The following TES variants were observed in gnomAD, a reference collection of about 807,000 sequenced individuals.
TES encodes the protein testin LIM domain protein.
A neutral mutation model predicts 48.2 loss-of-function variants in TES; 41 were observed. The ratio of observed to expected loss-of-function variants is 0.85; its 90% confidence interval spans 0.66 to 1.10. TES has a LOEUF of 1.10. Ranked by LOEUF, TES falls within the 50% of genes least tolerant of loss-of-function variation. The pLI, the probability that TES is intolerant of heterozygous loss-of-function variation, is 0.00. For synonymous variants in TES, 162 were observed against 174.9 expected (o/e 0.93, Z 0.58); for missense variants, 463 against 515.1 (o/e 0.90, Z 0.98).
At chr7:116,255,404 T>A (rs1350268499) in intron 6 of TES, among the ~76,000 whole-genome samples, 1 of 152,200 alleles carries the variant, frequency 6.6e-6, no homozygotes, top group Non-Finnish European at 1.5e-5. Flanking sequence ...CAATTTTAGA[T>A]TTTTGAGGAA....
chr7:116,216,028 C>T (rs1447390046), intron 1 of TES, among the ~76,000 whole-genome samples: 1 of 152,118 alleles, frequency 6.6e-6, no homozygotes, highest in African/African-American at 2.4e-5. Context: ...ATGAGGCTCT[C>T]ATGGAGCTCC....
Position 116,249,263 on chromosome 7 carries a change from T to G in TES, c.357T>G (p.Asn119Lys), listed in dbSNP as rs1304815827. Residue 119 changes from asparagine (N) to lysine (K), a missense_variant, in exon 3 of 7, where the codon AAT becomes AAG. Physicochemically the swap from Asn to Lys is moderately conservative, Grantham distance 94 (BLOSUM62 0). Transcript: ENST00000358204. ...ATGAGTGGGCTCCTCCTGTCCAGAATCAAGCATTGGTAAATGATATGGAAC... is the reference window on the plus strand; with the variant it reads ...ATGAGTGGGCTCCTCCTGTCCAGAAGCAAGCATTGGTAAATGATATGGAAC... ...VTYEWAPPVQ[N>K]QALARQYMQM... is the part of the protein sequence containing the mutation. 1 of 1,614,032 alleles carries G rather than the reference T, an allele frequency of 6.2e-7. No individual in the cohort carries two copies. Among genetic ancestry groups the G allele is most frequent in the Admixed American group, 1.7e-5 (1 of 60,032 alleles).
intron 1 of TES, among the ~76,000 whole-genome samples, chr7:116,214,421 C>A (rs563283804): frequency 6.6e-6 from 1 of 152,262 alleles, no homozygotes; most frequent in African/African-American, 2.4e-5. Flanking sequence ...CAATTGCATT[C>A]CAGGCTTGAA....
chr7:116,240,069 G>T (rs1334085286), intron 2 of TES, among the ~76,000 whole-genome samples: 1 of 152,124 alleles, frequency 6.6e-6, no homozygotes, highest in African/African-American at 2.4e-5. Flanking sequence ...ATTTAGAGCT[G>T]GGTGAAAACT....
At position 116,250,472 on chromosome 7, in the gene TES, T is replaced by C. The variant is rs1211572254; in HGVS notation, c.678T>C (p.Ser226=). Residue 226 remains serine, a synonymous_variant, in exon 4 of 7, where the codon TCT becomes TCC. Transcript: ENST00000358204. ...PAAVGAMEDK[S]AEHKRTQYSC... ...CAGTGGGGGCCATGGAGGACAAATC[T>C]GCTGAGCACAAAAGAACTCAATATG... 10 of 1,563,032 alleles carry C rather than the reference T, an allele frequency of 6.4e-6. No individual in the cohort carries two copies. Among genetic ancestry groups the C allele is most frequent in the Non-Finnish European group, 8.6e-6 (10 of 1,157,238 alleles).
intron 4 of TES, 113 bp downstream of exon 4, chr7:116,250,609 A>G (rs929412881): frequency 5.0e-6 from 4 of 796,448 alleles, no homozygotes; most frequent in Admixed American, 8.0e-5. Context: ...GGGAATAAGT[A>G]TGGGGAATAA....
intron 2 of TES, among the ~76,000 whole-genome samples, chr7:116,237,581 C>G (rs1234550369): frequency 6.6e-6 from 1 of 152,130 alleles, no homozygotes; most frequent in Non-Finnish European, 1.5e-5. Flanking sequence ...ACCCTACCTC[C>G]CACCACTAGG....
intron 2 of TES, among the ~76,000 whole-genome samples, chr7:116,243,619 G>T (rs1799881991): frequency 6.6e-6 from 1 of 152,092 alleles, no homozygotes; most frequent in Admixed American, 6.5e-5. Flanking sequence ...TTTATCAGTG[G>T]TTTCATTTTG....
At chr7:116,228,622 C>T (rs1799654836) in intron 1 of TES, among the ~76,000 whole-genome samples, 2 of 152,102 alleles carry the variant, frequency 1.3e-5, no homozygotes, top group South Asian at 4.1e-4. Context: ...TCTTTTGTTT[C>T]CTATGCATAC....
intron 5 of TES, 123 bp from the exon 6 acceptor site, chr7:116,252,195 T>G: frequency 8.8e-7 from 1 of 1,129,964 alleles, no homozygotes; most frequent in Non-Finnish European, 1.2e-6. Flanking sequence ...CTAAACTAAG[T>G]GATAGCATAA....
At chr7:116,224,099 C>G (rs1490247894) in intron 1 of TES, among the ~76,000 whole-genome samples, 3 of 152,152 alleles carry the variant, frequency 2.0e-5, no homozygotes, top group Non-Finnish European at 4.4e-5. Context: ...CTGGGGAGAA[C>G]CAGCTACCAT....
At chr7:116,250,121 A>C (rs1554439103) in intron 3 of TES, 40 bp from the exon 4 acceptor site, 2 of 1,478,176 alleles carry the variant, frequency 1.4e-6, no homozygotes, top group African/African-American at 2.8e-5. Context: ...ACACTGCCTA[A>C]TGGCCAATCC....
chr7:116,257,953 G>C lies in TES; in HGVS notation c.*471G>C, dbSNP rs1800128349. Reference sequence around the variant, plus strand: ...TCACTGACCTTTGTAATGATACACAGTGAATTCTTTTTGACAAAGAGAAAT... The same window carrying C: ...TCACTGACCTTTGTAATGATACACACTGAATTCTTTTTGACAAAGAGAAAT... On this transcript the variant is annotated 3_prime_UTR_variant, in exon 7 of 7. Coordinates refer to ENST00000358204, the MANE Select transcript of TES (RefSeq NM_015641.4). The C allele has an allele frequency of 6.5e-6, 1 of 153,482 alleles. No individual in the cohort carries two copies. The highest frequency in any genetic ancestry group is 2.0e-4 in the South Asian group (1 of 4,914). The allele number at this position is 153,482 out of a possible 1,614,324, so 9.5% of individuals were successfully genotyped here.
At chr7:116,240,753 A>G (rs1347440746) in intron 2 of TES, among the ~76,000 whole-genome samples, 3 of 152,188 alleles carry the variant, frequency 2.0e-5, no homozygotes, top group African/African-American at 7.2e-5. Flanking sequence ...GAACTGCTCA[A>G]TAGGACAGTT....
intron 2 of TES, among the ~76,000 whole-genome samples, chr7:116,237,543 T>C (rs1438224981): frequency 6.6e-6 from 1 of 152,074 alleles, no homozygotes; most frequent in Non-Finnish European, 1.5e-5. Context: ...ATTTTGTGCC[T>C]TATTGCATGG....
chr7:116,248,178 A>C (rs1250549166), intron 2 of TES, among the ~76,000 whole-genome samples: 1 of 152,202 alleles, frequency 6.6e-6, no homozygotes, highest in Non-Finnish European at 1.5e-5. Flanking sequence ...ATAGTATTCT[A>C]TGGTGAATAT....
At chr7:116,251,510 G>T (rs1040846013) in intron 4 of TES, 29 of 399,026 alleles carry the variant, frequency 7.3e-5, no homozygotes, top group African/African-American at 5.8e-4. Context: ...GTGAAACCCC[G>T]TCTCTACTAA....
intron 1 of TES, among the ~76,000 whole-genome samples, chr7:116,220,731 C>A (rs1799545948): frequency 6.6e-6 from 1 of 152,020 alleles, no homozygotes; most frequent in South Asian, 2.1e-4. Context: ...GCTTTAGAAC[C>A]CTGGGTTCAG....
At chr7:116,221,589 AT>A (rs1257959163) in intron 1 of TES, among the ~76,000 whole-genome samples, 1 of 152,132 alleles carries the variant, frequency 6.6e-6, no homozygotes, top group African/African-American at 2.4e-5. Context: ...TGTTGCTGGG[AT>A]TTAAGTCTTC....
Sources: gnomAD v4.1 joint callset for allele counts (sites outside exome capture counted in the v4.1 genomes callset) on GRCh38, gnomAD v4.1.1 for gene constraint, MANE v1.5 for transcripts, NCBI Gene and HGNC (gene_info 2026-07-23, HGNC 2026-07-21) for gene names.